Variants in USP38 observed in about 807,000 individuals in gnomAD.
USP38 encodes the protein ubiquitin specific peptidase 38.
USP38 carries 49 observed loss-of-function variants against 94.3 expected under a neutral mutation model. That is an observed-to-expected ratio of 0.52 (90% CI 0.41 to 0.66). The LOEUF is 0.66. USP38 is among the 30% of genes least tolerant of loss of function. USP38 has a pLI of 0.00. For synonymous variants in USP38, 468 were observed against 463.6 expected, an observed-to-expected ratio of 1.01 and a Z score of -0.12; for missense variants, 1,128 against 1,229.4, an observed-to-expected ratio of 0.92 and a Z score of 1.23.
chr4:143,206,290 A>G (rs1731866443), intron 6 of USP38, 64 bp downstream of exon 6: 1 of 1,330,100 alleles, frequency 7.5e-7, no homozygotes, highest in African/African-American at 1.5e-5. Context: ...ATGAAATATA[A>G]GATGATAGAA....
At position 143,206,144 on chromosome 4, in the gene USP38, G is replaced by GAAACTGGGA. The variant is rs1235286070; in HGVS notation, c.1329_1337dup (p.Lys444_Gly446dup). 2.5e-6 allele frequency: 4 copies of GAAACTGGGA among 1,613,768 alleles called. No individual in the cohort carries two copies. Among genetic ancestry groups the GAAACTGGGA allele is most frequent in the Non-Finnish European group, 3.4e-6 (4 of 1,179,880 alleles). On this transcript the variant is annotated inframe_insertion, in exon 6 of 10. Transcript: ENST00000307017. Reference sequence around the variant, plus strand: ...CTTGTCTAGACTTTCTGGAAAATCTGAAACTGGGAAAACTGGTCTTATTAA... The same window carrying GAAACTGGGA: ...CTTGTCTAGACTTTCTGGAAAATCTGAAACTGGGAAAACTGGGAAAACTGGTCTTATTAA...
At position 143,214,022 on chromosome 4, in the gene USP38, T is replaced by A. The variant is rs780062263; in HGVS notation, c.2046T>A (p.Pro682=). ...ATGAAAAAACCATAGGCAGTCCTCCTAATGAGTTTTACTGTTCTGAAAACA... is the reference window on the plus strand; with the variant it reads ...ATGAAAAAACCATAGGCAGTCCTCCAAATGAGTTTTACTGTTCTGAAAACA... The part of the protein sequence containing the change: ...LVNEKTIGSP[P]NEFYCSENTS... The change falls in exon 9 of 10, where the codon CCT becomes CCA. Residue 682 remains proline (P), a synonymous_variant. Coordinates refer to ENST00000307017, the MANE Select transcript of USP38 (RefSeq NM_032557.6). 3 of 1,613,616 alleles carry A rather than the reference T, an allele frequency of 1.9e-6. No homozygotes were observed. Among genetic ancestry groups the A allele is most frequent in the Non-Finnish European group, 2.5e-6 (3 of 1,179,816 alleles).
At chr4:143,201,054 GA>G (rs1731701843) in intron 4 of USP38, among the ~76,000 whole-genome samples, 2 of 152,148 alleles carry the variant, frequency 1.3e-5, no homozygotes, top group Non-Finnish European at 1.5e-5. Flanking sequence ...AACCAAAGAA[GA>G]ACCTGAATAG....
At position 143,187,861 on chromosome 4, in the gene USP38, C is replaced by G; in HGVS notation, c.718C>G (p.Leu240Val). 1 of 1,613,292 alleles carries G rather than the reference C, an allele frequency of 6.2e-7. No individual in the cohort carries two copies. Among genetic ancestry groups the G allele is most frequent in the Non-Finnish European group, 8.5e-7 (1 of 1,179,656 alleles). Residue 240 changes from leucine to valine, a missense_variant, in exon 2 of 10, where the codon CTT (leucine) becomes GTT (valine). By Grantham distance (32) the Leu-to-Val change is conservative (BLOSUM62 1). Transcript: ENST00000307017. ...TGAACCTTCTGTAGCATTGGCAAGC[C>G]TTGTGCAGCATATTCCTCTTCAGAT... ...SFEPSVALAS[L>V]VQHIPLQMIT...
rs753248574 is a variant in USP38, at chr4:143,206,241, G to A, written c.1403+15G>A. 1 of 1,540,776 alleles carries A rather than the reference G, an allele frequency of 6.5e-7. No individual in the cohort carries two copies. Among genetic ancestry groups the A allele is most frequent in the South Asian group, 1.3e-5 (1 of 78,010 alleles). On this transcript the variant is annotated intron_variant, in intron 6 of 9. Coordinates refer to ENST00000307017, the MANE Select transcript of USP38 (RefSeq NM_032557.6). ...ATGGCCACAGAGTAAGTTTAAACTT[G>A]AATCTTTTCATTTTAACTGTAGAAG...
At chr4:143,192,204 GCTTT>G (rs1731414929) in intron 2 of USP38, among the ~76,000 whole-genome samples, 2 of 152,080 alleles carry the variant, frequency 1.3e-5, no homozygotes, top group African/African-American at 4.8e-5. Flanking sequence ...TTTCATGAAT[GCTTT>G]CTTAGTCTGT....
At position 143,186,120 on chromosome 4, in the gene USP38, A is replaced by T; in HGVS notation, c.670A>T (p.Ile224Phe). The stretch of plus-strand genomic sequence containing the variant: ...TTCCCTGCAAGAAGTTTTTGCAAGC[A>T]TCTCTTCCACAGGTAAGGGTCATTA... ...LPSLQEVFAS[I>F]SSTDASFEPS... is the part of the protein sequence containing the mutation. Residue 224 changes from isoleucine (I) to phenylalanine (F), a missense_variant, in exon 1 of 10, where the codon ATC becomes TTC. Coordinates refer to ENST00000307017, the MANE Select transcript of USP38 (RefSeq NM_032557.6). The T allele has an allele frequency of 1.2e-6, 2 of 1,614,072 alleles. No individual in the cohort carries two copies. Among genetic ancestry groups the T allele is most frequent in the Non-Finnish European group, 1.7e-6 (2 of 1,179,958 alleles).
At position 143,203,317 on chromosome 4, in the gene USP38, G is replaced by A. The variant is rs895483730; in HGVS notation, c.1051-91G>A. Reference sequence around the variant, plus strand: ...CTGCACATACAGAAAAGTATCTGCTGATCATATATCGTTTGTGTTCTGTTT... The same window carrying A: ...CTGCACATACAGAAAAGTATCTGCTAATCATATATCGTTTGTGTTCTGTTT... On this transcript the variant is annotated intron_variant, in intron 4 of 9. Coordinates refer to ENST00000307017, the MANE Select transcript of USP38 (RefSeq NM_032557.6). 8.6e-5 allele frequency: 109 copies of A among 1,274,574 alleles called. No homozygotes were observed. In the Admixed American group the frequency reaches 2.4e-3, roughly 28 times the overall value. 79.0% of individuals were successfully genotyped at this position (1,274,574 alleles called of 1,614,324 possible).
rs1369832707 is a variant in USP38 at position 143,223,865 on chromosome 4, A to C, written c.*3409A>C. On this transcript the variant is annotated 3_prime_UTR_variant, in exon 10 of 10. Transcript: ENST00000307017. ...ATCATACGTTTTTTCTAATGAGTTT[A>C]GATTTCTGAAACTAAATATTCCTGA... The C allele has an allele frequency of 2.0e-5, 3 of 152,146 alleles. No homozygotes were observed. The highest frequency in any genetic ancestry group is 2.0e-4 in the Admixed American group (3 of 15,246). The allele number at this position is 152,146 out of a possible 1,614,324, so 9.4% of individuals were successfully genotyped here.
At chr4:143,207,926 C>T (rs536798745) in intron 6 of USP38, among the ~76,000 whole-genome samples, 113 of 152,234 alleles carry the variant, frequency 7.4e-4, no homozygotes, top group African/African-American at 2.5e-3. Flanking sequence ...ATGAATTCTT[C>T]TTCATAGTTT....
chr4:143,185,855 G>A lies in USP38; in HGVS notation c.405G>A (p.Val135=), dbSNP rs759275994. The change falls in exon 1 of 10, where the codon GTG becomes GTA. Residue 135 remains valine, a synonymous_variant. Transcript: ENST00000307017. ...TGCAGGTAGAGGTGTTACGGATGGT[G>A]TGTGAGAGGCCGGAGCCGCAGCTCT... The part of the protein sequence containing the change: ...SLLQVEVLRM[V]CERPEPQLCA... 1.2e-6 allele frequency: 2 copies of A among 1,614,102 alleles called. No individual in the cohort carries two copies. The highest frequency in any genetic ancestry group is 2.7e-5 in the African/African-American group (2 of 74,938).
At chr4:143,207,549 AAG>A (rs530142564) in intron 6 of USP38, among the ~76,000 whole-genome samples, 7 of 151,984 alleles carry the variant, frequency 4.6e-5, no homozygotes, top group African/African-American at 2.4e-5. Flanking sequence ...AAAAGAAAGA[AAG>A]AGAGAGAGAG....
chr4:143,190,242 C>G (rs549404570), intron 2 of USP38, among the ~76,000 whole-genome samples: 2 of 139,764 alleles, frequency 1.4e-5, no homozygotes, highest in East Asian at 4.5e-4. Context: ...GTTGGTCCAT[C>G]ACTTTCATTG....
At chr4:143,219,655 G>T (rs1230459179) in intron 9 of USP38, among the ~76,000 whole-genome samples, 2 of 152,010 alleles carry the variant, frequency 1.3e-5, no homozygotes, top group East Asian at 3.9e-4. Flanking sequence ...AAGAGTTTGT[G>T]GGTCCCAGTT....
rs1381533239 is a variant in USP38, at chr4:143,213,840, C to T, written c.1864C>T (p.Pro622Ser). The T allele has an allele frequency of 6.2e-7, 1 of 1,613,800 alleles. No individual in the cohort carries two copies. Among genetic ancestry groups the T allele is most frequent in the Admixed American group, 1.7e-5 (1 of 59,962 alleles). ...TACAGATCTTTCGCTTGCCTTTTGT[C>T]CTTCCTCTTCTTTGGAAAACATGTC... ...AFTDLSLAFC[P>S]SSSLENMSVQ... Residue 622 changes from proline (P) to serine (S), a missense_variant, in exon 9 of 10, where the codon CCT becomes TCT. Pro to Ser is a moderately conservative substitution (Grantham distance 74). Transcript: ENST00000307017.
At chr4:143,210,487 T>C (rs1581166347) in intron 7 of USP38, among the ~76,000 whole-genome samples, 1 of 151,722 alleles carries the variant, frequency 6.6e-6, no homozygotes, top group Non-Finnish European at 1.5e-5. Flanking sequence ...CTCAGGAGGC[T>C]GAGATAGGAG....
At chr4:143,203,265 A>G (rs766219197) in intron 4 of USP38, 143 bp from the exon 5 acceptor site, 30 of 817,820 alleles carry the variant, frequency 3.7e-5, no homozygotes, top group Non-Finnish European at 5.5e-5. Flanking sequence ...AGAAATGTTT[A>G]ACTTAATAAC....
At position 143,214,152 on chromosome 4, in the gene USP38, T is replaced by C. The variant is rs1732114793; in HGVS notation, c.2176T>C (p.Leu726=). 8 of 1,612,872 alleles carry C rather than the reference T, an allele frequency of 5.0e-6. No homozygotes were observed. Among genetic ancestry groups the C allele is most frequent in the Non-Finnish European group, 6.8e-6 (8 of 1,179,644 alleles). The stretch of plus-strand genomic sequence containing the variant: ...AGTAACTGACTTACTAAATTATTTT[T>C]TGGCTCCAGAGATTCTTACTGGTGA... ...PSVTDLLNYF[L]APEILTGDNQ... The change falls in exon 9 of 10, where the codon TTG becomes CTG. Residue 726 remains leucine (L), a synonymous_variant. Transcript: ENST00000307017.
At chr4:143,199,679 C>T (rs1486363837) in intron 4 of USP38, among the ~76,000 whole-genome samples, 2 of 152,206 alleles carry the variant, frequency 1.3e-5, no homozygotes, top group East Asian at 3.9e-4. Flanking sequence ...GCCATTCTGA[C>T]TGGTATGAGA....
Sources: allele counts gnomAD v4.1 joint callset (sites outside exome capture counted in the v4.1 genomes callset), GRCh38; gene constraint gnomAD v4.1.1; transcripts MANE v1.5; gene names NCBI Gene and HGNC (gene_info 2026-07-23, HGNC 2026-07-21).